The following DLG2 variants were observed in gnomAD, a reference collection of about 807,000 sequenced individuals.
DLG2 encodes disks large homolog 2.
A neutral mutation model predicts 132.5 loss-of-function variants in DLG2; 45 were observed. The observed-to-expected ratio is 0.34, with a 90% confidence interval of 0.27 to 0.44. The LOEUF is 0.44. Among genes scored for constraint, DLG2 ranks in the 20% least tolerant of loss-of-function variants. The pLI is 1.00. For missense variants in DLG2, 1,045 were observed against 1,196.9 expected, an observed-to-expected ratio of 0.87 and a Z score of 1.87; for synonymous variants, 424 against 419.6, an observed-to-expected ratio of 1.01 and a Z score of -0.13.
At chr11:84,620,083 A>G (rs2099611250) in intron 6 of DLG2, among the ~76,000 whole-genome samples, 1 of 151,664 alleles carries the variant, frequency 6.6e-6, no homozygotes, top group Non-Finnish European at 1.5e-5. Context: ...AATTTATTAT[A>G]AAGAATTTTT....
chr11:84,828,949 C>G (rs1599080751), intron 6 of DLG2, among the ~76,000 whole-genome samples: 1 of 151,624 alleles, frequency 6.6e-6, no homozygotes, highest in Non-Finnish European at 1.5e-5. Context: ...CCCAATAATA[C>G]TGTAGTCCAT....
chr11:84,614,798 T>C (rs1372226704), intron 6 of DLG2, among the ~76,000 whole-genome samples: 3 of 152,158 alleles, frequency 2.0e-5, no homozygotes, highest in African/African-American at 7.2e-5. Context: ...TGTGTCATGA[T>C]TACCGTTATT....
At chr11:84,856,723 T>C (rs2082834935) in intron 6 of DLG2, among the ~76,000 whole-genome samples, 1 of 152,058 alleles carries the variant, frequency 6.6e-6, no homozygotes, top group South Asian at 2.1e-4. Flanking sequence ...AAAGGTTTCC[T>C]GCTCCTCTAA....
intron 16 of DLG2, among the ~76,000 whole-genome samples, chr11:83,846,123 G>C (rs1474373629): frequency 6.6e-6 from 1 of 152,212 alleles, no homozygotes; most frequent in African/African-American, 2.4e-5. Context: ...TGTACAATCT[G>C]AACTAGATCT....
chr11:84,609,076 T>C (rs1042610435), intron 6 of DLG2, among the ~76,000 whole-genome samples: 7 of 152,170 alleles, frequency 4.6e-5, no homozygotes, highest in Non-Finnish European at 1.0e-4. Context: ...TTACTACATA[T>C]AGTAAGACAA....
At chr11:84,038,616 G>A (rs1489924494) in intron 11 of DLG2, among the ~76,000 whole-genome samples, 1 of 152,008 alleles carries the variant, frequency 6.6e-6, no homozygotes, top group African/African-American at 2.4e-5. Context: ...CCTCTCTGGG[G>A]CAACTACTGT....
chr11:84,576,861 C>A (rs1377223578), intron 6 of DLG2, among the ~76,000 whole-genome samples: 1 of 152,050 alleles, frequency 6.6e-6, no homozygotes, highest in Non-Finnish European at 1.5e-5. Context: ...ATACTTATGG[C>A]CCATATTTTC....
chr11:84,073,403 A>G (rs977731246), intron 10 of DLG2, among the ~76,000 whole-genome samples: 1 of 152,198 alleles, frequency 6.6e-6, no homozygotes, highest in African/African-American at 2.4e-5. Flanking sequence ...TTGATCACCA[A>G]TAATAAGACC....
intron 16 of DLG2, among the ~76,000 whole-genome samples, chr11:83,874,211 C>T (rs1482105926): frequency 8.5e-6 from 1 of 117,984 alleles, no homozygotes; most frequent in African/African-American, 3.2e-5. Context: ...GAAAGAAAGA[C>T]AGAAAAAAAG....
At chr11:85,074,794 C>G (rs958300127) in intron 6 of DLG2, among the ~76,000 whole-genome samples, 1 of 151,878 alleles carries the variant, frequency 6.6e-6, no homozygotes, top group Admixed American at 6.6e-5. Context: ...GTTACCTACT[C>G]TATCCCCAGC....
intron 18 of DLG2, among the ~76,000 whole-genome samples, chr11:83,760,679 A>G (rs557188730): frequency 6.6e-6 from 1 of 152,196 alleles, no homozygotes; most frequent in South Asian, 2.1e-4. Context: ...TATTCTAAAA[A>G]CAGAAACAGA....
chr11:84,237,733 T>C (rs778606411), intron 8 of DLG2, among the ~76,000 whole-genome samples: 11 of 151,748 alleles, frequency 7.2e-5, no homozygotes, highest in Admixed American at 6.6e-5. Context: ...TGAGATATGA[T>C]ACACTTAGAA....
At chr11:84,598,706 G>A (rs2099569128) in intron 6 of DLG2, among the ~76,000 whole-genome samples, 1 of 149,766 alleles carries the variant, frequency 6.7e-6, no homozygotes. Flanking sequence ...CAGAAGGATT[G>A]CTTGAGCCCA....
intron 7 of DLG2, among the ~76,000 whole-genome samples, chr11:84,276,838 A>G (rs371540624): frequency 2.9e-4 from 44 of 152,334 alleles, no homozygotes; most frequent in African/African-American, 1.0e-3. Flanking sequence ...CAGTAAAAAT[A>G]GAGTAACAGG....
intron 6 of DLG2, among the ~76,000 whole-genome samples, chr11:85,023,382 AAC>A (rs1242082796): frequency 1.3e-4 from 20 of 152,068 alleles, no homozygotes; most frequent in African/African-American, 4.8e-4. Flanking sequence ...AGACCTAAAT[AAC>A]AGTTATTACC....
intron 3 of DLG2, among the ~76,000 whole-genome samples, chr11:85,372,216 G>A (rs1301477082): frequency 6.6e-6 from 1 of 152,208 alleles, no homozygotes; most frequent in East Asian, 1.9e-4. Flanking sequence ...ATGGGAATAA[G>A]TAGAATATCC....
rs149397397 is a variant in DLG2 at position 84,704,858 on chromosome 11, T to C, written c.358-170127A>G. On this transcript the variant is annotated intron_variant, in intron 6 of 27. Coordinates refer to ENST00000376104, the MANE Select transcript of DLG2 (RefSeq NM_001142699.3). The stretch of plus-strand genomic sequence containing the variant: ...AGTAACTAGTTAATTCATATATATA[T>C]ATACACACACACACACATATATATA... Among the ~76,000 whole-genome samples the C allele has an allele frequency of 5.9e-4, 89 of 149,702 alleles. No homozygotes were observed. The East Asian group carries it at 0.016, about 27-fold the overall frequency.
At chr11:85,091,086 A>G (rs2068694387) in intron 6 of DLG2, among the ~76,000 whole-genome samples, 1 of 152,196 alleles carries the variant, frequency 6.6e-6, no homozygotes, top group Admixed American at 6.5e-5. Context: ...CTCATGATAG[A>G]TTTGCCCCTA....
At chr11:84,089,191 A>G (rs1401085137) in intron 10 of DLG2, among the ~76,000 whole-genome samples, 1 of 152,128 alleles carries the variant, frequency 6.6e-6, no homozygotes, top group Non-Finnish European at 1.5e-5. Context: ...TTCTTAAACA[A>G]TTGGTAAGTG....
Sources: allele counts gnomAD v4.1 joint callset (sites outside exome capture counted in the v4.1 genomes callset), GRCh38; gene constraint gnomAD v4.1.1; transcripts MANE v1.5; gene names NCBI Gene and HGNC (gene_info 2026-07-23, HGNC 2026-07-21).